Variants in C9orf85 observed in about 807,000 individuals in gnomAD.
C9orf85 encodes the protein uncharacterized protein C9orf85.
A neutral mutation model predicts 14.9 loss-of-function variants in C9orf85; 16 were observed. That is an observed-to-expected ratio of 1.08 (90% CI 0.73 to 1.63). C9orf85 has a LOEUF of 1.63. Ranked by LOEUF, C9orf85 falls within the 40% of genes most tolerant of loss-of-function variation. C9orf85 has a pLI of 0.00. For missense variants in C9orf85, 172 were observed against 186.1 expected (o/e 0.92, Z 0.44); for synonymous variants, 45 against 56.8 (o/e 0.79, Z 0.93).
At chr9:71,914,797 G>A (rs1363733750) in intron 1 of C9orf85, among the ~76,000 whole-genome samples, 4 of 152,294 alleles carry the variant, frequency 2.6e-5, no homozygotes, top group South Asian at 2.1e-4. Context: ...GGCTTGCGCC[G>A]GGATTTGTAA....
intron 1 of C9orf85, among the ~76,000 whole-genome samples, chr9:71,937,696 T>C (rs995225768): frequency 1.3e-5 from 2 of 152,214 alleles, no homozygotes; most frequent in African/African-American, 4.8e-5. Context: ...CAAGAGGGAC[T>C]AAACTTCAGA....
At chr9:71,968,574 C>A (rs1822764680) in intron 2 of C9orf85, among the ~76,000 whole-genome samples, 1 of 152,104 alleles carries the variant, frequency 6.6e-6, no homozygotes, top group South Asian at 2.1e-4. Context: ...GGCTTATATG[C>A]ATAGAGTTAA....
At chr9:71,944,196 T>C (rs983466006) in intron 1 of C9orf85, among the ~76,000 whole-genome samples, 8 of 150,392 alleles carry the variant, frequency 5.3e-5, no homozygotes, top group African/African-American at 2.0e-4. Flanking sequence ...ATTGCCCCAC[T>C]GCACACCAGT....
intron 1 of C9orf85, among the ~76,000 whole-genome samples, chr9:71,930,227 A>G (rs1260539862): frequency 5.9e-5 from 9 of 152,158 alleles, no homozygotes; most frequent in Non-Finnish European, 1.0e-4. Context: ...TGCACATAAA[A>G]TCACTCAGAC....
exon 4 of C9orf85, chr9:71,982,805 T>C: frequency 3.1e-6 from 1 of 321,242 alleles, no homozygotes; most frequent in South Asian, 2.4e-5. Flanking sequence ...CCAGCTAATC[T>C]TTGTATTTTT....
Position 71,972,685 on chromosome 9 carries a change from T to A in C9orf85, c.324-7T>A. The A allele has an allele frequency of 6.4e-7, 1 of 1,562,066 alleles. No individual in the cohort carries two copies. The highest frequency in any genetic ancestry group is 8.7e-7 in the Non-Finnish European group (1 of 1,146,818). On this transcript the variant is annotated splice_region_variant and splice_polypyrimidine_tract_variant and intron_variant, in intron 3 of 3. Transcript: ENST00000334731. ...AAATAAATAGAAATTTTTTCTTTCA[T>A]CTTTAGGTTGAATAAAGAAACAGAA...
downstream of C9orf85, chr9:71,973,515 T>A (rs907249221): frequency 2.0e-5 from 3 of 152,204 alleles, no homozygotes; most frequent in African/African-American, 7.2e-5. Context: ...CAAATAATAA[T>A]GTTTAACAAG....
chr9:71,967,291 T>C (rs1822720901), intron 2 of C9orf85, among the ~76,000 whole-genome samples: 1 of 152,216 alleles, frequency 6.6e-6, no homozygotes, highest in African/African-American at 2.4e-5. Context: ...CTTTTCTCTA[T>C]TCAGTTTCCT....
chr9:71,944,920 A>G (rs1049259605), intron 1 of C9orf85, among the ~76,000 whole-genome samples: 3 of 152,192 alleles, frequency 2.0e-5, no homozygotes, highest in African/African-American at 7.2e-5. Context: ...ACAAGTTCCC[A>G]CAAAGACCTG....
At chr9:71,950,194 A>G (rs996933566) in intron 2 of C9orf85, among the ~76,000 whole-genome samples, 1 of 152,100 alleles carries the variant, frequency 6.6e-6, no homozygotes, top group Non-Finnish European at 1.5e-5. Flanking sequence ...ATATTCATTC[A>G]CTTCACTTTC....
At chr9:71,950,514 C>T (rs944347338) in intron 2 of C9orf85, among the ~76,000 whole-genome samples, 1 of 152,020 alleles carries the variant, frequency 6.6e-6, no homozygotes, top group Non-Finnish European at 1.5e-5. Context: ...ACTACAGGCA[C>T]ACACATGCCA....
chr9:71,962,959 GGC>G (rs1822561150), intron 2 of C9orf85, among the ~76,000 whole-genome samples: 2 of 152,098 alleles, frequency 1.3e-5, no homozygotes, highest in African/African-American at 4.8e-5. Context: ...GGGAGGCTGA[GGC>G]ACGATAATCA....
intron 2 of C9orf85, among the ~76,000 whole-genome samples, chr9:71,966,071 C>A (rs1449617038): frequency 3.3e-5 from 5 of 152,208 alleles, no homozygotes; most frequent in African/African-American, 1.2e-4. Flanking sequence ...CATACTTCAA[C>A]CATTCATACA....
intron 2 of C9orf85, among the ~76,000 whole-genome samples, chr9:71,958,844 C>CT (rs1216913973): frequency 6.6e-6 from 1 of 152,182 alleles, no homozygotes; most frequent in African/African-American, 2.4e-5. Flanking sequence ...CCCTGCTCTG[C>CT]TTTACCAGAA....
At chr9:71,927,361 A>G (rs1305636178) in intron 1 of C9orf85, among the ~76,000 whole-genome samples, 1 of 152,008 alleles carries the variant, frequency 6.6e-6, no homozygotes, top group African/African-American at 2.4e-5. Flanking sequence ...ACTTAGGAAA[A>G]CTGGGTTAAC....
intron 2 of C9orf85, among the ~76,000 whole-genome samples, chr9:71,953,789 C>T (rs1264841724): frequency 6.6e-6 from 1 of 151,964 alleles, no homozygotes; most frequent in Non-Finnish European, 1.5e-5. Context: ...TTGACTAAAC[C>T]AGTGGTTTAA....
chr9:71,925,444 C>T (rs557405897), intron 1 of C9orf85, among the ~76,000 whole-genome samples: 1 of 151,988 alleles, frequency 6.6e-6, no homozygotes, highest in Non-Finnish European at 1.5e-5. Context: ...TCTTTTTCCC[C>T]AAATCTCAGT....
At chr9:71,976,842 A>G (rs1589277429), downstream of C9orf85, among the ~76,000 whole-genome samples, 3 of 152,092 alleles carry the variant, frequency 2.0e-5, no homozygotes, top group East Asian at 5.8e-4. Flanking sequence ...ACTAGAATAT[A>G]GTACCCCCGT....
At chr9:71,950,128 C>G (rs539906156) in intron 2 of C9orf85, among the ~76,000 whole-genome samples, 9 of 152,234 alleles carry the variant, frequency 5.9e-5, no homozygotes, top group Admixed American at 1.3e-4. Flanking sequence ...ACTGGAAAGC[C>G]TAGCTTTCAA....
Sources: gnomAD v4.1 joint callset for allele counts (sites outside exome capture counted in the v4.1 genomes callset) on GRCh38, gnomAD v4.1.1 for gene constraint, MANE v1.5 for transcripts, NCBI Gene and HGNC (gene_info 2026-07-23, HGNC 2026-07-21) for gene names.